The following CACNB2 variants were observed in gnomAD, a reference collection of about 807,000 sequenced individuals.
CACNB2 encodes voltage-dependent L-type calcium channel subunit beta-2.
Under a neutral mutation model 73.3 loss-of-function variants are expected in CACNB2, and 42 were observed. The ratio of observed to expected loss-of-function variants is 0.57; its 90% CI spans 0.45 to 0.74. The LOEUF (loss-of-function observed/expected upper bound fraction) is 0.74. Among genes scored for constraint, CACNB2 ranks in the 30% least tolerant of loss-of-function variants. CACNB2 has a pLI of 0.00. For missense variants in CACNB2, 940 were observed against 853.0 expected (o/e 1.10, Z -1.27); for synonymous variants, 348 against 310.3 (o/e 1.12, Z -1.28).
chr10:18,498,235 G>A lies in CACNB2; in HGVS notation c.334-120G>A, dbSNP rs2049955254. ...AGCTGTTTTGTGATAAAGAACCAGTGCAGAGGGGAAACCAACAATGATTAC... is the reference window on the plus strand; with the variant it reads ...AGCTGTTTTGTGATAAAGAACCAGTACAGAGGGGAAACCAACAATGATTAC... On this transcript the variant is annotated intron_variant, in intron 3 of 13. Transcript: ENST00000324631. 4.1e-6 allele frequency: 5 copies of A among 1,215,424 alleles called. No homozygotes were observed. The Admixed American group carries it at 9.8e-5, about 24-fold the overall frequency. The allele number at this position is 1,215,424 out of a possible 1,614,324, so 75.3% of individuals were successfully genotyped here.
At chr10:18,187,248 G>C (rs968026362) in intron 2 of CACNB2, among the ~76,000 whole-genome samples, 10 of 152,168 alleles carry the variant, frequency 6.6e-5, no homozygotes, top group African/African-American at 9.7e-5. Context: ...GGGGATGGCA[G>C]CTAGGAGAAC....
intron 2 of CACNB2, among the ~76,000 whole-genome samples, chr10:18,334,389 G>T (rs1417535585): frequency 6.6e-6 from 1 of 152,112 alleles, no homozygotes; most frequent in Admixed American, 6.5e-5. Flanking sequence ...ACCCACGGGG[G>T]TCTGGTTTTT....
chr10:18,362,268 T>G (rs759215306), intron 2 of CACNB2, among the ~76,000 whole-genome samples: 1 of 152,284 alleles, frequency 6.6e-6, no homozygotes, highest in Non-Finnish European at 1.5e-5. Context: ...TAAAACATTT[T>G]CAACTTAATT....
rs576940256 is a variant in CACNB2 at position 18,151,140 on chromosome 10, T to G, written c.213+165T>G. 6.2e-4 allele frequency: 360 copies of G among 582,980 alleles called. 11 individuals are homozygous for G. The South Asian group carries it at 8.1e-3, about 13-fold the overall frequency. The allele number at this position is 582,980 out of a possible 1,614,324, so 36.1% of individuals were successfully genotyped here. On this transcript the variant is annotated intron_variant, in intron 2 of 13. Transcript: ENST00000324631. Reference sequence around the variant, plus strand: ...ATGTCATAATTAAAATATTTTAATCTTAAGTGAGACTAAGTAATAATTACA... The same window carrying G: ...ATGTCATAATTAAAATATTTTAATCGTAAGTGAGACTAAGTAATAATTACA...
At chr10:18,347,433 C>T (rs377105316) in intron 2 of CACNB2, among the ~76,000 whole-genome samples, 3 of 147,158 alleles carry the variant, frequency 2.0e-5, no homozygotes, top group African/African-American at 7.5e-5. Context: ...TCAGGCAATC[C>T]GCCCACCTTG....
Position 18,448,416 on chromosome 10 carries a change from G to C in CACNB2, c.333+46373G>C, listed in dbSNP as rs561259554. On this transcript the variant is annotated intron_variant, in intron 3 of 13. Coordinates refer to ENST00000324631, the MANE Select transcript of CACNB2 (RefSeq NM_201596.3). ...CCTGAACCTGGGAGGCGGAGGTTGCGGTGAGCTGAGATTGTGTCATTGCAC... is the reference window on the plus strand; with the variant it reads ...CCTGAACCTGGGAGGCGGAGGTTGCCGTGAGCTGAGATTGTGTCATTGCAC... Among the ~76,000 whole-genome samples, 73 of 148,532 alleles carry C rather than the reference G, an allele frequency of 4.9e-4. 1 individual carries two copies. The Admixed American group carries it at 4.9e-3, about 10-fold the overall frequency.
At chr10:18,447,068 A>AAAAT (rs1554821288) in intron 3 of CACNB2, among the ~76,000 whole-genome samples, 9 of 152,002 alleles carry the variant, frequency 5.9e-5, no homozygotes, top group Admixed American at 1.3e-4. Context: ...TCAAAAAAAA[A>AAAAT]AAATAAATAA....
At chr10:18,432,146 A>G (rs1196159349) in intron 3 of CACNB2, among the ~76,000 whole-genome samples, 1 of 152,176 alleles carries the variant, frequency 6.6e-6, no homozygotes. Context: ...AGGGGAGGAA[A>G]AGCTCTGTTT....
chr10:18,517,148 C>A (rs1299532248), intron 7 of CACNB2, among the ~76,000 whole-genome samples: 2 of 152,128 alleles, frequency 1.3e-5, no homozygotes, highest in East Asian at 3.8e-4. Flanking sequence ...GTACTGAATT[C>A]TTAAAATCAT....
chr10:18,430,576 G>C (rs1356992257), intron 3 of CACNB2, among the ~76,000 whole-genome samples: 1 of 152,130 alleles, frequency 6.6e-6, no homozygotes, highest in Non-Finnish European at 1.5e-5. Flanking sequence ...GCAGCAGTGA[G>C]CCGTGATTGC....
chr10:18,392,520 A>G (rs533401144), intron 2 of CACNB2, among the ~76,000 whole-genome samples: 7 of 152,294 alleles, frequency 4.6e-5, no homozygotes, highest in Admixed American at 4.6e-4. Context: ...GAGGGAGCAG[A>G]GCCAACTTTT....
chr10:18,470,516 G>A (rs2048129043), intron 3 of CACNB2, among the ~76,000 whole-genome samples: 1 of 150,722 alleles, frequency 6.6e-6, no homozygotes. Flanking sequence ...ATGATATACT[G>A]TGTATATTAT....
chr10:18,344,600 G>C (rs1177169512), intron 2 of CACNB2, among the ~76,000 whole-genome samples: 1 of 151,948 alleles, frequency 6.6e-6, no homozygotes, highest in African/African-American at 2.4e-5. Context: ...TCGAACTCCT[G>C]ACCTCAGGTG....
chr10:18,263,360 T>C (rs2037645091), intron 2 of CACNB2, among the ~76,000 whole-genome samples: 1 of 152,208 alleles, frequency 6.6e-6, no homozygotes, highest in Non-Finnish European at 1.5e-5. Context: ...GGTTAGGACC[T>C]CGTCATACTG....
chr10:18,188,713 A>C (rs2034262312), intron 2 of CACNB2, among the ~76,000 whole-genome samples: 1 of 152,202 alleles, frequency 6.6e-6, no homozygotes, highest in Non-Finnish European at 1.5e-5. Context: ...TCAATCTTAT[A>C]ATGAAATCAT....
chr10:18,338,738 C>CTTTTT (rs553402190), intron 2 of CACNB2, among the ~76,000 whole-genome samples: 8 of 102,444 alleles, frequency 7.8e-5, no homozygotes, highest in Admixed American at 2.4e-4. Context: ...TCCTTCTTTC[C>CTTTTT]TTTTTTTTTT....
intron 3 of CACNB2, among the ~76,000 whole-genome samples, chr10:18,434,722 T>TCAGTGAG (rs1201415020): frequency 8.5e-5 from 13 of 152,098 alleles, no homozygotes; most frequent in Non-Finnish European, 1.5e-5. Context: ...ATTGAACACC[T>TCAGTGAG]CAGTGAGCTT....
At chr10:18,280,134 T>A (rs2038477656) in intron 2 of CACNB2, among the ~76,000 whole-genome samples, 1 of 152,172 alleles carries the variant, frequency 6.6e-6, no homozygotes, top group Non-Finnish European at 1.5e-5. Flanking sequence ...TGGTGGCCAC[T>A]TATTCAAAGT....
At chr10:18,442,968 ATGTG>A (rs1419147518) in intron 3 of CACNB2, among the ~76,000 whole-genome samples, 1,274 of 25,390 alleles carry the variant, frequency 0.05, 177 homozygotes, top group East Asian at 0.11. Flanking sequence ...GTATATATAT[ATGTG>A]TATATATATA....
Sources: allele counts gnomAD v4.1 joint callset (sites outside exome capture counted in the v4.1 genomes callset), GRCh38; gene constraint gnomAD v4.1.1; transcripts MANE v1.5; gene names NCBI Gene and HGNC (gene_info 2026-07-23, HGNC 2026-07-21).